The following NDUFS1 variants were observed in gnomAD, a reference collection of about 807,000 sequenced individuals.
NDUFS1 encodes NADH:ubiquinone oxidoreductase core subunit S1.
In NDUFS1, 61 loss-of-function variants were observed where a neutral mutation model predicts 84.4. The ratio of observed to expected loss-of-function variants is 0.72; its 90% CI spans 0.59 to 0.89. The LOEUF (loss-of-function observed/expected upper bound fraction) is 0.89, where lower values mean the gene tolerates loss of function less well. Ranked by LOEUF, NDUFS1 falls within the 40% of genes least tolerant of loss-of-function variation. The pLI is 0.00. For missense variants in NDUFS1, 891 were observed against 890.0 expected, an observed-to-expected ratio of 1.00 and a Z score of -0.01; for synonymous variants, 275 against 290.0, an observed-to-expected ratio of 0.95 and a Z score of 0.53.
In NDUFS1 at chr2:206,116,953, A is replaced by T. The variant is rs111805980; in HGVS notation, c.*7232T>A. 4,098 of 152,606 alleles carry T rather than the reference A, an allele frequency of 0.027. 83 individuals are homozygous for T. Among genetic ancestry groups the T allele is most frequent in the South Asian group, 0.043 (208 of 4,848 alleles). 9.5% of individuals were successfully genotyped at this position (152,606 alleles called of 1,614,324 possible). A position where few individuals can be genotyped will look rare whatever the true frequency, so the allele number is the denominator to read the frequency against. ...CAGGAAAACTGAACCCGGGAGGTGGAGGTTGCAGTGAGCTGAGATTGTGCC... is the reference window on the plus strand; with the variant it reads ...CAGGAAAACTGAACCCGGGAGGTGGTGGTTGCAGTGAGCTGAGATTGTGCC... On this transcript the variant is annotated 3_prime_UTR_variant, in exon 19 of 19. Coordinates refer to ENST00000233190, the MANE Select transcript of NDUFS1 (RefSeq NM_005006.7).
rs1318358769 is a variant in NDUFS1, at chr2:206,143,867, G to A, written c.987+151C>T. On this transcript the variant is annotated intron_variant, in intron 10 of 18. Coordinates refer to ENST00000233190, the MANE Select transcript of NDUFS1 (RefSeq NM_005006.7). ...CTTAATAGCATAATATCTAGCATAT[G>A]TCCTCAGTAGATGTCTGTAAAATGG... 2.4e-5 allele frequency: 16 copies of A among 660,594 alleles called. No individual in the cohort carries two copies. The East Asian group carries it at 4.0e-4, about 16-fold the overall frequency. 40.9% of individuals were successfully genotyped at this position (660,594 alleles called of 1,614,324 possible).
rs1478073799 is a variant in NDUFS1, at chr2:206,149,048, T to C, written c.310A>G (p.Thr104Ala). ...GCTTTTTTGGATTTTTCTGAGTTTG[T>C]TAGGATATTCCAACCCTTCATTACT... ...MPVMKGWNIL[T>A]NSEKSKKARE... Residue 104 changes from threonine to alanine, a missense_variant, in exon 5 of 19, where the codon ACA becomes GCA. Coordinates refer to ENST00000233190, the MANE Select transcript of NDUFS1 (RefSeq NM_005006.7). 1 of 1,613,532 alleles carries C rather than the reference T, an allele frequency of 6.2e-7. No homozygotes were observed. The highest frequency in any genetic ancestry group is 2.2e-5 in the East Asian group (1 of 44,818).
At chr2:206,145,544 G>C (rs1310014221) in intron 8 of NDUFS1, among the ~76,000 whole-genome samples, 3 of 152,138 alleles carry the variant, frequency 2.0e-5, no homozygotes, top group African/African-American at 7.2e-5. Context: ...TTCAACAAGA[G>C]GGGCAGGATT....
chr2:206,158,017 G>A (rs1022354575), intron 1 of NDUFS1, among the ~76,000 whole-genome samples: 1 of 146,910 alleles, frequency 6.8e-6, no homozygotes, highest in African/African-American at 2.6e-5. Flanking sequence ...AGGCTGGAGT[G>A]CAGCGGAGCG....
At chr2:206,143,963 A>T in intron 10 of NDUFS1, 55 bp downstream of exon 10, 2 of 1,410,636 alleles carry the variant, frequency 1.4e-6, no homozygotes, top group South Asian at 1.2e-5. Flanking sequence ...TTCATGGCAA[A>T]GATGTTTCTT....
At chr2:206,134,144 T>C (rs960113638) in intron 13 of NDUFS1, among the ~76,000 whole-genome samples, 2 of 152,210 alleles carry the variant, frequency 1.3e-5, no homozygotes, top group Non-Finnish European at 2.9e-5. Context: ...AAGAGGAATT[T>C]GCCAAGGAAA....
chr2:206,127,909 T>C lies in NDUFS1; in HGVS notation c.1772A>G (p.Glu591Gly), dbSNP rs954779442. Residue 591 changes from glutamate (E) to glycine (G), a missense_variant, in exon 16 of 19, where the codon GAG becomes GGG. Coordinates refer to ENST00000233190, the MANE Select transcript of NDUFS1 (RefSeq NM_005006.7). ...AGTGTTGACATATGTAGCAGACTTCTCTGTGTAAGCAGCTCCTGGGAGAAT... is the reference window on the plus strand; with the variant it reads ...AGTGTTGACATATGTAGCAGACTTCCCTGTGTAAGCAGCTCCTGGGAGAAT... ...DVILPGAAYT[E>G]KSATYVNTEG... 1.5e-5 allele frequency: 24 copies of C among 1,614,194 alleles called. No homozygotes were observed. In the Middle Eastern group the frequency reaches 6.6e-4, roughly 44 times the overall value.
At chr2:206,143,638 G>A (rs1206778909) in intron 10 of NDUFS1, among the ~76,000 whole-genome samples, 1 of 151,626 alleles carries the variant, frequency 6.6e-6, no homozygotes, top group Non-Finnish European at 1.5e-5. Flanking sequence ...CTGGAGTGCA[G>A]TGGTGCGATC....
intron 2 of NDUFS1, 71 bp from the exon 3 acceptor site, chr2:206,152,581 G>T (rs1407401642): frequency 3.8e-6 from 5 of 1,326,838 alleles, no homozygotes; most frequent in Admixed American, 3.4e-5. Flanking sequence ...TGGATGAATT[G>T]ACTCTAACTA....
chr2:206,146,954 C>A lies in NDUFS1; in HGVS notation c.686G>T (p.Gly229Val), dbSNP rs780677497. The change falls in exon 8 of 19, where the codon GGT (glycine) becomes GTT (valine). Residue 229 changes from glycine (G) to valine (V), a missense_variant. By Grantham distance (109) the Gly-to-Val change is moderately radical (BLOSUM62 -3). Transcript: ENST00000233190. The stretch of plus-strand genomic sequence containing the variant: ...GGCATAGGGCTTAGAGGTTAGGGCA[C>A]CTACAGGGCAGATATCAATGATATT... ...SGNIIDICPV[G>V]ALTSKPYAFT... 1.2e-6 allele frequency: 2 copies of A among 1,614,090 alleles called. No homozygotes were observed. The highest frequency in any genetic ancestry group is 3.3e-5 in the Admixed American group (2 of 60,022).
intron 12 of NDUFS1, among the ~76,000 whole-genome samples, chr2:206,140,566 C>T (rs7569612): frequency 0.026 from 3,996 of 152,146 alleles, 177 homozygotes; most frequent in African/African-American, 0.092. Flanking sequence ...CCACAACCTT[C>T]GCTTCCCAGG....
intron 18 of NDUFS1, among the ~76,000 whole-genome samples, chr2:206,125,561 T>C (rs13385872): frequency 0.026 from 3,982 of 151,932 alleles, 175 homozygotes; most frequent in African/African-American, 0.091. Context: ...ATGTGTATAA[T>C]GCATATGTAT....
rs1036753418 is a variant in NDUFS1, at chr2:206,120,386, T to G, written c.*3799A>C. ...AGAAGACAGAAAGATGAGGGAAAGTTTGGAACTTAGAGACTAGTTAAGTGG... is the reference window on the plus strand; with the variant it reads ...AGAAGACAGAAAGATGAGGGAAAGTGTGGAACTTAGAGACTAGTTAAGTGG... On this transcript the variant is annotated 3_prime_UTR_variant, in exon 19 of 19. Coordinates refer to ENST00000233190, the MANE Select transcript of NDUFS1 (RefSeq NM_005006.7). 4 of 152,158 alleles carry G rather than the reference T, an allele frequency of 2.6e-5. No homozygotes were observed. Among genetic ancestry groups the G allele is most frequent in the Non-Finnish European group, 4.4e-5 (3 of 68,042 alleles). 9.4% of individuals were successfully genotyped at this position (152,158 alleles called of 1,614,324 possible).
chr2:206,117,441 G>A lies in NDUFS1; in HGVS notation c.*6744C>T, dbSNP rs1434090223. 1 of 152,164 alleles carries A rather than the reference G, an allele frequency of 6.6e-6. No homozygotes were observed. Among genetic ancestry groups the A allele is most frequent in the African/African-American group, 2.4e-5 (1 of 41,440 alleles). The allele number at this position is 152,164 out of a possible 1,614,324, so 9.4% of individuals were successfully genotyped here. A position where few individuals can be genotyped will look rare whatever the true frequency, so the allele number is the denominator to read the frequency against. On this transcript the variant is annotated 3_prime_UTR_variant, in exon 19 of 19. Transcript: ENST00000233190. Reference sequence around the variant, plus strand: ...AGTAGATACTCTGCAAAAAAATTTTGTTTTTCTTTTTGAGATGGGGTCTCG... The same window carrying A: ...AGTAGATACTCTGCAAAAAAATTTTATTTTTCTTTTTGAGATGGGGTCTCG...
At chr2:206,141,709 G>C (rs867758748) in intron 12 of NDUFS1, among the ~76,000 whole-genome samples, 8 of 149,816 alleles carry the variant, frequency 5.3e-5, no homozygotes, top group Middle Eastern at 3.4e-3. Flanking sequence ...TGGCTAACAT[G>C]GTGAAACCCC....
At chr2:206,136,043 T>C (rs550725429) in intron 13 of NDUFS1, among the ~76,000 whole-genome samples, 3 of 151,846 alleles carry the variant, frequency 2.0e-5, no homozygotes, top group East Asian at 3.9e-4. Flanking sequence ...CTTTTTTTTT[T>C]TTTTCTTTCT....
chr2:206,135,169 C>T (rs1691661238), intron 13 of NDUFS1, among the ~76,000 whole-genome samples: 1 of 151,872 alleles, frequency 6.6e-6, no homozygotes, highest in Non-Finnish European at 1.5e-5. Flanking sequence ...CTGGCACACG[C>T]CACCATGCCA....
rs967404483 is a variant in NDUFS1, at chr2:206,118,955, G to T, written c.*5230C>A. Reference sequence around the variant, plus strand: ...ACACAAAAATTAGCTGGGCGTGGTGGTGTGCTCCTGTAGTCCCAGCTACTC... The same window carrying T: ...ACACAAAAATTAGCTGGGCGTGGTGTTGTGCTCCTGTAGTCCCAGCTACTC... On this transcript the variant is annotated 3_prime_UTR_variant, in exon 19 of 19. Transcript: ENST00000233190. 3.9e-5 allele frequency: 6 copies of T among 152,260 alleles called. No homozygotes were observed. The highest frequency in any genetic ancestry group is 8.8e-5 in the Non-Finnish European group (6 of 68,146). The allele number at this position is 152,260 out of a possible 1,614,324, so 9.4% of individuals were successfully genotyped here.
At chr2:206,136,438 G>T (rs146464212) in intron 13 of NDUFS1, among the ~76,000 whole-genome samples, 35 of 125,946 alleles carry the variant, frequency 2.8e-4, no homozygotes, top group Admixed American at 7.4e-4. Flanking sequence ...TTTTTTTTTT[G>T]TTTTTTTTTT....
Sources: gnomAD v4.1 joint callset for allele counts (sites outside exome capture counted in the v4.1 genomes callset) on GRCh38, gnomAD v4.1.1 for gene constraint, MANE v1.5 for transcripts, NCBI Gene and HGNC (gene_info 2026-07-23, HGNC 2026-07-21) for gene names.